PDIA4: variants seen among roughly 807,000 people sequenced by gnomAD.
PDIA4 encodes protein disulfide isomerase family A member 4.
A neutral mutation model predicts 62.1 loss-of-function variants in PDIA4; 33 were observed. That is an observed-to-expected ratio of 0.53 (90% confidence interval 0.40 to 0.71). The LOEUF (loss-of-function observed/expected upper bound fraction) is 0.71. PDIA4 is among the 30% of genes least tolerant of loss of function. The pLI, the probability that PDIA4 is intolerant of heterozygous loss-of-function variation, is 0.00. For missense variants in PDIA4, 804 were observed against 813.6 expected (o/e 0.99, Z 0.14); for synonymous variants, 341 against 324.1 (o/e 1.05, Z -0.56).
At chr7:149,021,647 A>C (rs1451886133) in intron 1 of PDIA4, among the ~76,000 whole-genome samples, 1 of 152,026 alleles carries the variant, frequency 6.6e-6, no homozygotes, top group Non-Finnish European at 1.5e-5. Context: ...TTTCATTCAG[A>C]GGGAGGTCAT....
At chr7:149,020,336 T>A (rs1399128299) in intron 2 of PDIA4, among the ~76,000 whole-genome samples, 1 of 152,130 alleles carries the variant, frequency 6.6e-6, no homozygotes, top group Non-Finnish European at 1.5e-5. Flanking sequence ...TATATCCTAT[T>A]TGGTCTCAGA....
rs533072571 is a variant in PDIA4 at position 149,024,793 on chromosome 7, C to T, written c.88+3528G>A. Reference sequence around the variant, plus strand: ...ATCGCACCACTGCACTCCAGCCTGGCGACCGAGCAAGACTGTCATTTAAAA... The same window carrying T: ...ATCGCACCACTGCACTCCAGCCTGGTGACCGAGCAAGACTGTCATTTAAAA... On this transcript the variant is annotated intron_variant, in intron 1 of 9. Transcript: ENST00000652332. 6.0e-5 allele frequency among the ~76,000 whole-genome samples: 8 copies of T among 133,432 alleles called. No individual in the cohort carries two copies. In the South Asian group the frequency reaches 1.7e-3, roughly 28 times the overall value. The allele number at this position is 133,432 out of a possible 152,430, so 87.5% of individuals were successfully genotyped here.
chr7:149,011,830 G>T lies in PDIA4; in HGVS notation c.979+16C>A, dbSNP rs1709168874. ...AGGCACGCACATTTTGTTCAGCCCA[G>T]AGGGCCACAACTCACCGGCATCCTG... On this transcript the variant is annotated intron_variant, in intron 6 of 9. Transcript: ENST00000652332. The T allele has an allele frequency of 6.5e-7, 1 of 1,544,504 alleles. No homozygotes were observed. Among genetic ancestry groups the T allele is most frequent in the Non-Finnish European group, 8.7e-7 (1 of 1,145,636 alleles).
intron 9 of PDIA4, among the ~76,000 whole-genome samples, chr7:149,004,665 G>A (rs560241312): frequency 6.6e-6 from 1 of 152,358 alleles, no homozygotes; most frequent in South Asian, 2.1e-4. Context: ...GGCCGAGGGT[G>A]AAGAGGCTCT....
Position 149,005,926 on chromosome 7 carries a change from C to T in PDIA4, c.1259G>A (p.Ser420Asn). 6.5e-7 allele frequency: 1 copy of T among 1,530,970 alleles called. No homozygotes were observed. Among genetic ancestry groups the T allele is most frequent in the Non-Finnish European group, 8.7e-7 (1 of 1,150,370 alleles). 94.8% of individuals were successfully genotyped at this position (1,530,970 alleles called of 1,614,324 possible). The part of the protein sequence containing the change: ...TRRPLVVVYY[S>N]VDFSFDYRAA... ...TCTGTAATCAAAGCTGAAGTCCACA[C>T]TGTAGTAGACGACCACCAGGGGGCG... is the stretch of plus-strand genomic sequence containing the variant. Residue 420 changes from serine (S) to asparagine (N), a missense_variant, in exon 8 of 10, where the codon AGT (serine) becomes AAT (asparagine). Transcript: ENST00000652332.
intron 1 of PDIA4, among the ~76,000 whole-genome samples, chr7:149,025,085 A>AATATATATATATATATAT (rs869119727): frequency 2.2e-4 from 5 of 22,354 alleles, no homozygotes; most frequent in African/African-American, 3.0e-4. Context: ...AAAAAAAAAA[A>AATATATATATATATATAT]ATATATATAT....
At chr7:149,014,726 C>A (rs1208755993) in intron 4 of PDIA4, among the ~76,000 whole-genome samples, 178 bp downstream of exon 4, 1 of 152,170 alleles carries the variant, frequency 6.6e-6, no homozygotes, top group Non-Finnish European at 1.5e-5. Context: ...CACATTCACT[C>A]CCCCAACAGC....
intron 3 of PDIA4, among the ~76,000 whole-genome samples, chr7:149,017,659 A>AAAATT (rs200424745): frequency 1.4e-5 from 2 of 138,214 alleles, no homozygotes; most frequent in Non-Finnish European, 3.0e-5. Flanking sequence ...TTATCAAAAT[A>AAAATT]AAATACATTT....
At chr7:149,018,383 T>C (rs1295602472) in intron 3 of PDIA4, among the ~76,000 whole-genome samples, 1 of 152,122 alleles carries the variant, frequency 6.6e-6, no homozygotes, top group African/African-American at 2.4e-5. Flanking sequence ...GAACCAGTGC[T>C]CTAGACCACC....
chr7:149,015,361 A>G (rs573131694), intron 3 of PDIA4, among the ~76,000 whole-genome samples: 2 of 151,750 alleles, frequency 1.3e-5, no homozygotes, highest in Admixed American at 6.6e-5. Context: ...ACCCTCACCA[A>G]CTCCCAATGG....
Position 149,004,044 on chromosome 7 carries a change from G to A in PDIA4, c.1688C>T (p.Pro563Leu). 1 of 1,614,194 alleles carries A rather than the reference G, an allele frequency of 6.2e-7. No individual in the cohort carries two copies. The highest frequency in any genetic ancestry group is 8.5e-7 in the Non-Finnish European group (1 of 1,180,028). ...CTTCTTGGCCAGGCTGTTGTACACG[G>A]GCTCTAGCTGCTTGCAGTGCCCGCA... ...PWCGHCKQLE[P>L]VYNSLAKKYK... is the part of the protein sequence containing the mutation. The change falls in exon 10 of 10, where the codon CCC becomes CTC. Residue 563 changes from proline (P) to leucine (L), a missense_variant. Transcript: ENST00000652332.
chr7:149,028,054 C>T, intron 1 of PDIA4: 3 of 639,114 alleles, frequency 4.7e-6, no homozygotes, highest in South Asian at 4.7e-5. Flanking sequence ...CTCCCAGCCT[C>T]GGGTGACAGG....
At chr7:149,008,353 A>T (rs972661558) in intron 6 of PDIA4, 43 bp from the exon 7 acceptor site, 1 of 1,583,374 alleles carries the variant, frequency 6.3e-7, no homozygotes, top group Non-Finnish European at 8.6e-7. Context: ...AAAATTGCCT[A>T]AATGTCTGAG....
At chr7:149,021,603 C>T (rs1299651922) in intron 1 of PDIA4, among the ~76,000 whole-genome samples, 1 of 152,022 alleles carries the variant, frequency 6.6e-6, no homozygotes, top group Non-Finnish European at 1.5e-5. Context: ...TCAGGCCTCC[C>T]TCATGCCAGC....
intron 1 of PDIA4, among the ~76,000 whole-genome samples, chr7:149,024,562 C>A (rs375152443): frequency 1.3e-5 from 2 of 151,900 alleles, no homozygotes; most frequent in African/African-American, 2.4e-5. Flanking sequence ...CTGTAATCCA[C>A]GTGCTCCTCT....
chr7:149,009,815 C>T lies in PDIA4; in HGVS notation c.980-1505G>A, dbSNP rs554783076. On this transcript the variant is annotated intron_variant, in intron 6 of 9. Coordinates refer to ENST00000652332, the MANE Select transcript of PDIA4 (RefSeq NM_004911.5). Reference sequence around the variant, plus strand: ...GCTATGGCCAGAATGGGTGTGTGGGCCACAGTGTCAACCCCTACCCTAGAT... The same window carrying T: ...GCTATGGCCAGAATGGGTGTGTGGGTCACAGTGTCAACCCCTACCCTAGAT... Among the ~76,000 whole-genome samples, 5 of 152,322 alleles carry T rather than the reference C, an allele frequency of 3.3e-5. No homozygotes were observed. In the East Asian group the frequency reaches 7.7e-4, roughly 24 times the overall value.
intron 7 of PDIA4, among the ~76,000 whole-genome samples, chr7:149,007,834 G>A (rs1823814157): frequency 6.6e-6 from 1 of 152,270 alleles, no homozygotes; most frequent in Admixed American, 6.5e-5. Context: ...AACCCACAGT[G>A]GAACAGGCAC....
chr7:149,003,698 A>G lies in PDIA4; in HGVS notation c.*96T>C. ...TTAAAAAAAAAAAAAAAGGAATCCGAGATACTGTCGTTTGTTGCCGGCCTC... is the reference window on the plus strand; with the variant it reads ...TTAAAAAAAAAAAAAAAGGAATCCGGGATACTGTCGTTTGTTGCCGGCCTC... On this transcript the variant is annotated 3_prime_UTR_variant, in exon 10 of 10. Transcript: ENST00000652332. The G allele has an allele frequency of 1.2e-6, 1 of 804,136 alleles. No individual in the cohort carries two copies. The highest frequency in any genetic ancestry group is 1.8e-6 in the Non-Finnish European group (1 of 541,984). The allele number at this position is 804,136 out of a possible 1,614,324, so 49.8% of individuals were successfully genotyped here.
chr7:149,015,142 G>A (rs1011520645), intron 3 of PDIA4, 100 bp from the exon 4 acceptor site: 36 of 1,248,154 alleles, frequency 2.9e-5, no homozygotes, highest in Middle Eastern at 2.5e-4. Context: ...AGCAAGTGTC[G>A]GGGCCCACAA....
Sources: gnomAD v4.1 joint callset for allele counts (sites outside exome capture counted in the v4.1 genomes callset) on GRCh38, gnomAD v4.1.1 for gene constraint, MANE v1.5 for transcripts, NCBI Gene and HGNC (gene_info 2026-07-23, HGNC 2026-07-21) for gene names.